The following OSBPL10 variants were observed in gnomAD, a reference collection of about 807,000 sequenced individuals.
OSBPL10 encodes oxysterol binding protein like 10, also known as oxysterol-binding protein-related protein 10.
A neutral mutation model predicts 81.7 loss-of-function variants in OSBPL10; 49 were observed. That is an observed-to-expected ratio of 0.60 (90% CI 0.48 to 0.76). The LOEUF (loss-of-function observed/expected upper bound fraction) is 0.76. Ranked by LOEUF, OSBPL10 falls within the 30% of genes least tolerant of loss-of-function variation. OSBPL10 has a pLI of 0.00. For missense variants in OSBPL10, 923 were observed against 987.8 expected (o/e 0.93, Z 0.88); for synonymous variants, 419 against 383.6 (o/e 1.09, Z -1.08).
chr3:31,907,892 A>G (rs567368860), intron 1 of OSBPL10, among the ~76,000 whole-genome samples: 1 of 152,322 alleles, frequency 6.6e-6, no homozygotes, highest in East Asian at 1.9e-4. Context: ...AAACATATAC[A>G]CAAACATAGT....
At chr3:31,772,584 C>T (rs1260245170) in intron 4 of OSBPL10, among the ~76,000 whole-genome samples, 1 of 152,188 alleles carries the variant, frequency 6.6e-6, no homozygotes, top group Admixed American at 6.5e-5. Context: ...CTCCAAGGGG[C>T]CCCAGAGCTG....
chr3:31,688,283 T>TCTCACTCACA (rs1246299416), intron 7 of OSBPL10, among the ~76,000 whole-genome samples: 1 of 115,408 alleles, frequency 8.7e-6, no homozygotes, highest in Admixed American at 9.3e-5. Context: ...TCTCTCTCTC[T>TCTCACTCACA]CACACACACA....
intron 4 of OSBPL10, among the ~76,000 whole-genome samples, chr3:31,775,485 T>A (rs1401090461): frequency 7.6e-6 from 1 of 131,836 alleles, no homozygotes; most frequent in Non-Finnish European, 1.7e-5. Context: ...TTGAAACAGA[T>A]CATGAAGGAG....
At chr3:31,821,205 G>C (rs919326267) in intron 4 of OSBPL10, among the ~76,000 whole-genome samples, 1 of 152,024 alleles carries the variant, frequency 6.6e-6, no homozygotes, top group Non-Finnish European at 1.5e-5. Flanking sequence ...ATTGGTGGGG[G>C]ACATATCTCG....
At chr3:31,929,715 T>C (rs1344759377) in intron 1 of OSBPL10, among the ~76,000 whole-genome samples, 1 of 146,052 alleles carries the variant, frequency 6.8e-6, no homozygotes, top group Non-Finnish European at 1.5e-5. Context: ...GCCACTGGAC[T>C]CCAGCCTGGG....
At chr3:31,936,550 G>GA (rs1367669610) in intron 1 of OSBPL10, among the ~76,000 whole-genome samples, 1 of 152,172 alleles carries the variant, frequency 6.6e-6, no homozygotes, top group Non-Finnish European at 1.5e-5. Flanking sequence ...CTTCAATGGT[G>GA]AAAAGAAAAA....
At chr3:31,756,552 C>A (rs951855872) in intron 4 of OSBPL10, among the ~76,000 whole-genome samples, 15 of 152,202 alleles carry the variant, frequency 9.9e-5, no homozygotes, top group African/African-American at 3.1e-4. Context: ...TATCTACACA[C>A]ACAGAGGTAT....
chr3:32,036,084 G>T (rs1036639236), intron 2 of OSBPL10, among the ~76,000 whole-genome samples: 1 of 152,088 alleles, frequency 6.6e-6, no homozygotes, highest in South Asian at 2.1e-4. Context: ...TTCTTGCTTT[G>T]TCACCTAGGC....
At chr3:32,071,983 A>G (rs191330283) in intron 1 of OSBPL10, among the ~76,000 whole-genome samples, 71 of 152,148 alleles carry the variant, frequency 4.7e-4, no homozygotes, top group Non-Finnish European at 7.9e-4. Flanking sequence ...GCAAAGGCAG[A>G]CTATGCTATA....
At chr3:31,708,146 A>T (rs904631729) in intron 6 of OSBPL10, among the ~76,000 whole-genome samples, 3 of 152,142 alleles carry the variant, frequency 2.0e-5, no homozygotes, top group Non-Finnish European at 4.4e-5. Context: ...TATGTTGCCA[A>T]AGTTGGTCTC....
intron 4 of OSBPL10, among the ~76,000 whole-genome samples, chr3:31,794,173 T>C (rs1184538737): frequency 6.6e-6 from 1 of 152,218 alleles, no homozygotes; most frequent in Non-Finnish European, 1.5e-5. Flanking sequence ...AGACAGAGTC[T>C]TGCTCTTGTT....
chr3:31,673,617 C>A (rs1190345179), intron 8 of OSBPL10, among the ~76,000 whole-genome samples: 1 of 152,178 alleles, frequency 6.6e-6, no homozygotes, highest in African/African-American at 2.4e-5. Context: ...GCCACCCTCC[C>A]CACAGCACTA....
chr3:31,662,179 A>G (rs1700085836), intron 11 of OSBPL10, 63 bp from the exon 12 acceptor site: 1 of 1,610,672 alleles, frequency 6.2e-7, no homozygotes. Flanking sequence ...AGGGGAAGCA[A>G]GGATAACCGC....
intron 6 of OSBPL10, among the ~76,000 whole-genome samples, chr3:31,722,055 TGAG>T (rs1696661569): frequency 6.6e-6 from 1 of 152,160 alleles, no homozygotes; most frequent in African/African-American, 2.4e-5. Flanking sequence ...ACCCAAATGC[TGAG>T]GAGAAAAAAG....
intron 4 of OSBPL10, among the ~76,000 whole-genome samples, chr3:31,804,318 T>C (rs1699470895): frequency 6.6e-6 from 1 of 152,212 alleles, no homozygotes; most frequent in African/African-American, 2.4e-5. Context: ...AATTCTGATA[T>C]TATCTCCGTT....
chr3:31,854,665 C>T (rs760164269), intron 3 of OSBPL10, among the ~76,000 whole-genome samples: 1 of 152,136 alleles, frequency 6.6e-6, no homozygotes, highest in Admixed American at 6.5e-5. Context: ...ACCACGTATC[C>T]TTTACTCGGT....
chr3:31,757,674 CCAAA>C (rs1248151376), intron 4 of OSBPL10, among the ~76,000 whole-genome samples: 1 of 152,204 alleles, frequency 6.6e-6, no homozygotes, highest in African/African-American at 2.4e-5. Flanking sequence ...AGCTTTTCCT[CCAAA>C]CAAAGTAGGT....
chr3:31,927,925 T>C (rs1444233439), intron 1 of OSBPL10, among the ~76,000 whole-genome samples: 1 of 152,120 alleles, frequency 6.6e-6, no homozygotes, highest in African/African-American at 2.4e-5. Flanking sequence ...CTAGCCCTTG[T>C]AGTCGGGAAC....
intron 1 of OSBPL10, among the ~76,000 whole-genome samples, chr3:31,940,326 A>T (rs187032852): frequency 6.6e-6 from 1 of 152,348 alleles, no homozygotes; most frequent in East Asian, 1.9e-4. Context: ...ACATGGCAGA[A>T]CACCTACTAC....
Sources: allele counts gnomAD v4.1 joint callset (sites outside exome capture counted in the v4.1 genomes callset), GRCh38; gene constraint gnomAD v4.1.1; transcripts MANE v1.5; gene names NCBI Gene and HGNC (gene_info 2026-07-23, HGNC 2026-07-21).